DPP10: variants seen among roughly 807,000 people sequenced by gnomAD.
The protein encoded by DPP10 is dipeptidyl peptidase like 10.
In DPP10, 33 loss-of-function variants were observed where a neutral mutation model predicts 120.9. The ratio of observed to expected loss-of-function variants is 0.27; its 90% CI spans 0.21 to 0.37. The LOEUF (loss-of-function observed/expected upper bound fraction) is 0.37. Among genes scored for constraint, DPP10 ranks in the 10% least tolerant of loss-of-function variants. The pLI, the probability that DPP10 is intolerant of heterozygous loss-of-function variation, is 1.00. For missense variants in DPP10, 816 were observed against 942.8 expected, an observed-to-expected ratio of 0.87 and a Z score of 1.76; for synonymous variants, 337 against 326.1, an observed-to-expected ratio of 1.03 and a Z score of -0.36.
intron 1 of DPP10, among the ~76,000 whole-genome samples, chr2:115,065,152 C>T (rs1385188317): frequency 6.6e-6 from 1 of 152,138 alleles, no homozygotes; most frequent in Non-Finnish European, 1.5e-5. Flanking sequence ...ACACATAACT[C>T]TGTAACATAT....
At chr2:115,088,791 A>T (rs1430116734) in intron 1 of DPP10, among the ~76,000 whole-genome samples, 1 of 151,198 alleles carries the variant, frequency 6.6e-6, no homozygotes, top group Non-Finnish European at 1.5e-5. Flanking sequence ...AAAAAACCTT[A>T]AAACTAAACA....
chr2:114,939,803 G>A (rs1188499183), intron 1 of DPP10, among the ~76,000 whole-genome samples: 1 of 152,046 alleles, frequency 6.6e-6, no homozygotes. Context: ...GGTGGCTGTG[G>A]ACTTTACAAA....
intron 3 of DPP10, among the ~76,000 whole-genome samples, chr2:115,492,949 C>T (rs1407247093): frequency 1.3e-5 from 2 of 152,156 alleles, no homozygotes; most frequent in Non-Finnish European, 2.9e-5. Flanking sequence ...AAAGTTTGGA[C>T]AAGATCTGGT....
At chr2:115,809,267 A>C (rs887207062) in intron 19 of DPP10, among the ~76,000 whole-genome samples, 9 of 152,204 alleles carry the variant, frequency 5.9e-5, no homozygotes, top group African/African-American at 1.9e-4. Flanking sequence ...CTATGTGTAC[A>C]TACTGCTTGA....
chr2:115,125,523 G>A (rs1487797332), intron 1 of DPP10, among the ~76,000 whole-genome samples: 2 of 148,762 alleles, frequency 1.3e-5, no homozygotes, highest in African/African-American at 5.0e-5. Flanking sequence ...TATTTTCTTT[G>A]CTTCCTCAAA....
At chr2:115,416,768 A>C (rs1484920214) in intron 3 of DPP10, among the ~76,000 whole-genome samples, 2 of 152,178 alleles carry the variant, frequency 1.3e-5, no homozygotes, top group Non-Finnish European at 2.9e-5. Flanking sequence ...ATAAGAAACC[A>C]TTTCTGCACA....
chr2:115,110,545 A>C (rs1197567241), intron 1 of DPP10, among the ~76,000 whole-genome samples: 2 of 152,102 alleles, frequency 1.3e-5, no homozygotes, highest in East Asian at 3.9e-4. Flanking sequence ...ATTTAAATAT[A>C]ATGTATTTAA....
chr2:114,914,803 C>T lies in DPP10; in HGVS notation c.61-394436C>T, dbSNP rs370764810. On this transcript the variant is annotated intron_variant, in intron 1 of 25. Transcript: ENST00000410059. ...CCAACTGTATGCTATCTTCAAGAGACCCATCTCCCATGCAATGACACCCAT... is the reference window on the plus strand; with the variant it reads ...CCAACTGTATGCTATCTTCAAGAGATCCATCTCCCATGCAATGACACCCAT... 1.1e-4 allele frequency among the ~76,000 whole-genome samples: 17 copies of T among 152,286 alleles called. 2 individuals are homozygous for T. The South Asian group carries it at 2.7e-3, about 24-fold the overall frequency.
intron 19 of DPP10, among the ~76,000 whole-genome samples, chr2:115,813,138 C>A (rs992959504): frequency 6.6e-6 from 1 of 151,038 alleles, no homozygotes; most frequent in Non-Finnish European, 1.5e-5. Flanking sequence ...CCCGCCACCG[C>A]GCCCGGCTAA....
At chr2:114,823,904 T>C (rs1305296187) in intron 1 of DPP10, among the ~76,000 whole-genome samples, 1 of 152,116 alleles carries the variant, frequency 6.6e-6, no homozygotes, top group Non-Finnish European at 1.5e-5. Context: ...ACTCAGTCTC[T>C]AAGGGTTTCA....
At chr2:115,048,524 A>G (rs1705230977) in intron 1 of DPP10, among the ~76,000 whole-genome samples, 1 of 152,046 alleles carries the variant, frequency 6.6e-6, no homozygotes. Flanking sequence ...GCTTAAAATC[A>G]CCAGTTGTTT....
chr2:114,629,089 A>G (rs1048721511), intron 1 of DPP10, among the ~76,000 whole-genome samples: 3 of 152,152 alleles, frequency 2.0e-5, no homozygotes, highest in Admixed American at 1.3e-4. Flanking sequence ...ATAGTTCCTC[A>G]GGTGTTTGGA....
At chr2:115,560,429 TATATATATATATATATAC>T (rs1425758016) in intron 5 of DPP10, among the ~76,000 whole-genome samples, 2 of 73,092 alleles carry the variant, frequency 2.7e-5, no homozygotes, top group African/African-American at 1.0e-4. Flanking sequence ...TATATATATA[TATATATATATATATATAC>T]GACAAGCTAC....
intron 3 of DPP10, among the ~76,000 whole-genome samples, chr2:115,467,852 C>T (rs2074427160): frequency 6.6e-6 from 1 of 152,060 alleles, no homozygotes; most frequent in Admixed American, 6.6e-5. Context: ...GGAATGATTA[C>T]AAACAAAGAT....
At chr2:115,815,900 G>C (rs1391529915) in intron 21 of DPP10, among the ~76,000 whole-genome samples, 171 bp downstream of exon 21, 1 of 151,790 alleles carries the variant, frequency 6.6e-6, no homozygotes, top group African/African-American at 2.4e-5. Context: ...GGCAGAGGAA[G>C]TGGATTCCAG....
chr2:115,390,260 C>A (rs1228695270), intron 3 of DPP10, among the ~76,000 whole-genome samples: 1 of 152,180 alleles, frequency 6.6e-6, no homozygotes, highest in East Asian at 1.9e-4. Flanking sequence ...CACACAAACA[C>A]CATGCTGAAA....
intron 1 of DPP10, among the ~76,000 whole-genome samples, chr2:115,105,985 G>A (rs549137784): frequency 3.3e-5 from 5 of 152,242 alleles, no homozygotes; most frequent in Non-Finnish European, 5.9e-5. Flanking sequence ...TAACTTAGAG[G>A]CTTTAAGTCA....
chr2:115,333,271 G>T (rs1289749647), intron 2 of DPP10, among the ~76,000 whole-genome samples: 1 of 151,922 alleles, frequency 6.6e-6, no homozygotes, highest in African/African-American at 2.4e-5. Flanking sequence ...TTTTCCATTT[G>T]CTTGGTAGAT....
rs187668872 is a variant in DPP10, at chr2:114,658,682, G to T, written c.60+215844G>T. ...CATTAAAGTGAAAATATATGCAGACGTTTATACCCGGTATAACAGATAAAT... is the reference window on the plus strand; with the variant it reads ...CATTAAAGTGAAAATATATGCAGACTTTTATACCCGGTATAACAGATAAAT... On this transcript the variant is annotated intron_variant, in intron 1 of 25. Transcript: ENST00000410059. Among the ~76,000 whole-genome samples the T allele has an allele frequency of 1.6e-3, 246 of 152,264 alleles. 3 individuals carry two copies. The highest frequency in any genetic ancestry group is 5.6e-3 in the African/African-American group (232 of 41,578).
Sources: allele counts gnomAD v4.1 joint callset (sites outside exome capture counted in the v4.1 genomes callset), GRCh38; gene constraint gnomAD v4.1.1; transcripts MANE v1.5; gene names NCBI Gene and HGNC (gene_info 2026-07-23, HGNC 2026-07-21).